The following ROCK1 variants were observed in gnomAD, a reference collection of about 807,000 sequenced individuals.
ROCK1 encodes Rho associated coiled-coil containing protein kinase 1, also known as rho-associated protein kinase 1.
ROCK1 carries 36 observed loss-of-function variants against 196.8 expected under a neutral mutation model. That is an observed-to-expected ratio of 0.18 (90% CI 0.14 to 0.24). The LOEUF is 0.24. Among genes scored for constraint, ROCK1 ranks in the 10% least tolerant of loss-of-function variants. The pLI is 1.00. For missense variants in ROCK1, 920 were observed against 1,562.0 expected (o/e 0.59, Z 6.93); for synonymous variants, 443 against 515.9 (o/e 0.86, Z 1.91).
chr18:21,044,819 T>C (rs2036141062), intron 5 of ROCK1, among the ~76,000 whole-genome samples: 2 of 152,172 alleles, frequency 1.3e-5, no homozygotes, highest in South Asian at 4.1e-4. Context: ...ATATCAACAT[T>C]AAATTGAAAT....
At chr18:21,014,008 G>A (rs1406066605) in intron 13 of ROCK1, among the ~76,000 whole-genome samples, 1 of 150,138 alleles carries the variant, frequency 6.7e-6, no homozygotes, top group East Asian at 2.0e-4. Flanking sequence ...GGAGCTTGCA[G>A]TGAGCAGAGA....
intron 4 of ROCK1, among the ~76,000 whole-genome samples, chr18:21,046,520 A>G (rs1260812790): frequency 6.6e-6 from 1 of 152,246 alleles, no homozygotes; most frequent in African/African-American, 2.4e-5. Context: ...AAATGACAGC[A>G]GTCAGGAGGA....
intron 2 of ROCK1, among the ~76,000 whole-genome samples, chr18:21,061,142 A>T (rs1304614097): frequency 6.6e-6 from 1 of 150,894 alleles, no homozygotes; most frequent in Non-Finnish European, 1.5e-5. Flanking sequence ...GCAATGGCGC[A>T]ATCTTGGCTC....
chr18:21,038,852 T>C (rs773124011), intron 9 of ROCK1, among the ~76,000 whole-genome samples: 2 of 152,238 alleles, frequency 1.3e-5, no homozygotes, highest in Non-Finnish European at 2.9e-5. Context: ...ATAATTTTGA[T>C]TCAGCTATGT....
At chr18:21,059,159 T>C (rs1410985357) in intron 2 of ROCK1, among the ~76,000 whole-genome samples, 5 of 152,186 alleles carry the variant, frequency 3.3e-5, no homozygotes, top group Non-Finnish European at 7.3e-5. Context: ...AACCATGCTC[T>C]AGCAATGCCT....
chr18:21,094,799 C>T (rs2143591160), intron 1 of ROCK1, among the ~76,000 whole-genome samples: 1 of 148,466 alleles, frequency 6.7e-6, no homozygotes, highest in Admixed American at 6.7e-5. Context: ...GTAATCCCAG[C>T]ACTTTGGGAG....
chr18:21,063,015 T>C (rs2036304949), intron 2 of ROCK1, among the ~76,000 whole-genome samples: 2 of 152,150 alleles, frequency 1.3e-5, no homozygotes, highest in African/African-American at 2.4e-5. Context: ...TTTGCTGCTA[T>C]AACAGAATAC....
At chr18:21,028,647 G>T (rs1278243846) in intron 10 of ROCK1, 129 bp downstream of exon 10, 1 of 729,032 alleles carries the variant, frequency 1.4e-6, no homozygotes, top group Non-Finnish European at 2.1e-6. Context: ...GAAATATCAT[G>T]CATCAATGAA....
At position 21,045,616 on chromosome 18, in the gene ROCK1, A is replaced by G. The variant is rs565098737; in HGVS notation, c.415-149T>C. The G allele has an allele frequency of 2.2e-5, 14 of 626,600 alleles. No individual in the cohort carries two copies. In the South Asian group the frequency reaches 2.6e-4, roughly 12 times the overall value. The allele number at this position is 626,600 out of a possible 1,614,324, so 38.8% of individuals were successfully genotyped here. A position where few individuals can be genotyped will look rare whatever the true frequency, so the allele number is the denominator to read the frequency against. On this transcript the variant is annotated intron_variant, in intron 4 of 32. Transcript: ENST00000399799. Reference sequence around the variant, plus strand: ...AGTCTAGTTTTAAAAAAAGACAAACATAAATGCCACAAAGACCCTTGTATA... The same window carrying G: ...AGTCTAGTTTTAAAAAAAGACAAACGTAAATGCCACAAAGACCCTTGTATA...
At chr18:21,086,761 G>GA (rs1307007720) in intron 1 of ROCK1, among the ~76,000 whole-genome samples, 3,433 of 107,626 alleles carry the variant, frequency 0.032, 132 homozygotes, top group African/African-American at 0.1. Flanking sequence ...TACATCCACT[G>GA]AAAAAAAAAA....
intron 2 of ROCK1, among the ~76,000 whole-genome samples, chr18:21,063,683 C>T (rs1009334716): frequency 3.3e-5 from 5 of 152,058 alleles, no homozygotes; most frequent in African/African-American, 7.2e-5. Context: ...CTGGCAGCAA[C>T]GTAGGTAACT....
At chr18:21,001,984 G>C (rs991047309) in intron 16 of ROCK1, among the ~76,000 whole-genome samples, 3 of 152,006 alleles carry the variant, frequency 2.0e-5, no homozygotes, top group African/African-American at 7.2e-5. Context: ...CCATGTAACA[G>C]TGAAATGCAA....
intron 1 of ROCK1, among the ~76,000 whole-genome samples, chr18:21,083,516 G>T (rs1375428670): frequency 1.3e-5 from 2 of 150,750 alleles, no homozygotes; most frequent in African/African-American, 4.9e-5. Context: ...TCAACTGCAT[G>T]AGTCCACTTA....
rs762852017 is a variant in ROCK1, at chr18:20,967,089, A to C, written c.3193-13T>G. On this transcript the variant is annotated splice_polypyrimidine_tract_variant and intron_variant, in intron 26 of 32. Transcript: ENST00000399799. ...CTTCTACCAATTGCTAATTTTGAAAAGTATCAAGATAATATAATCAAGCTA... is the reference window on the plus strand; with the variant it reads ...CTTCTACCAATTGCTAATTTTGAAACGTATCAAGATAATATAATCAAGCTA... The C allele has an allele frequency of 4.4e-6, 7 of 1,581,598 alleles. No individual in the cohort carries two copies. The African/African-American group carries it at 9.5e-5, about 21-fold the overall frequency.
At chr18:21,034,909 C>T (rs2036043465) in intron 9 of ROCK1, among the ~76,000 whole-genome samples, 1 of 152,046 alleles carries the variant, frequency 6.6e-6, no homozygotes, top group African/African-American at 2.4e-5. Flanking sequence ...TTTTAAAGAA[C>T]TCCTATAACT....
At position 20,982,888 on chromosome 18, in the gene ROCK1, T is replaced by C. The variant is rs527354037; in HGVS notation, c.2490-56A>G. On this transcript the variant is annotated intron_variant, in intron 20 of 32. Coordinates refer to ENST00000399799, the MANE Select transcript of ROCK1 (RefSeq NM_005406.3). ...ACGCTCCTACTTATACTAGACTTCA[T>C]TTTTTCTTAGTTTGTTAAAGTTGCT... 8.5e-5 allele frequency: 64 copies of C among 750,642 alleles called. 1 individual carries two copies. The South Asian group carries it at 9.8e-4, about 12-fold the overall frequency. 46.5% of individuals were successfully genotyped at this position (750,642 alleles called of 1,614,324 possible). A position where few individuals can be genotyped will look rare whatever the true frequency, so the allele number is the denominator to read the frequency against.
chr18:21,021,209 G>A (rs1171435572), intron 11 of ROCK1, among the ~76,000 whole-genome samples: 1 of 152,130 alleles, frequency 6.6e-6, no homozygotes, highest in Admixed American at 6.6e-5. Flanking sequence ...GGAGGGAATG[G>A]GGACAGGAAA....
intron 1 of ROCK1, among the ~76,000 whole-genome samples, chr18:21,086,316 G>A (rs1012974700): frequency 2.0e-5 from 3 of 151,832 alleles, no homozygotes; most frequent in Non-Finnish European, 2.9e-5. Flanking sequence ...TTCACCATGT[G>A]GGACAGGCTG....
rs1483538475 is a variant in ROCK1, at chr18:21,045,913, T to G, written c.415-446A>C. ...CAGTTTCAGCTGTTTTTTTTTTTTT[T>G]TTTTTTTTTTTTTTTGAGACGGAGT... On this transcript the variant is annotated intron_variant, in intron 4 of 32. Transcript: ENST00000399799. Among the ~76,000 whole-genome samples, 4 of 133,136 alleles carry G rather than the reference T, an allele frequency of 3.0e-5. No homozygotes were observed. In the South Asian group the frequency reaches 7.7e-4, roughly 26 times the overall value. The allele number at this position is 133,136 out of a possible 152,430, so 87.3% of individuals were successfully genotyped here. A position where few individuals can be genotyped will look rare whatever the true frequency, so the allele number is the denominator to read the frequency against.
Sources: allele counts gnomAD v4.1 joint callset (sites outside exome capture counted in the v4.1 genomes callset), GRCh38; gene constraint gnomAD v4.1.1; transcripts MANE v1.5; gene names NCBI Gene and HGNC (gene_info 2026-07-23, HGNC 2026-07-21).